KCNH1: variants seen among roughly 807,000 people sequenced by gnomAD.
KCNH1 encodes voltage-gated delayed rectifier potassium channel KCNH1.
A neutral mutation model predicts 69.2 loss-of-function variants in KCNH1; 27 were observed. That is an observed-to-expected ratio of 0.39 (90% CI 0.29 to 0.54). The LOEUF (loss-of-function observed/expected upper bound fraction) is 0.54, where lower values mean the gene tolerates loss of function less well. Among genes scored for constraint, KCNH1 ranks in the 20% least tolerant of loss-of-function variants. The probability of loss-of-function intolerance (pLI) is 0.68; values close to 1 mark genes in which losing one functional copy is unlikely to be tolerated. For missense variants in KCNH1, 798 were observed against 1,261.6 expected (o/e 0.63, Z 5.57); for synonymous variants, 456 against 487.7 (o/e 0.93, Z 0.86).
At chr1:210,909,002 T>G (rs929955773) in intron 7 of KCNH1, among the ~76,000 whole-genome samples, 1 of 152,164 alleles carries the variant, frequency 6.6e-6, no homozygotes, top group East Asian at 1.9e-4. Context: ...TGATGGTGGG[T>G]TTTTATCACC....
At chr1:210,984,610 C>G (rs1415941341) in intron 6 of KCNH1, among the ~76,000 whole-genome samples, 1 of 152,168 alleles carries the variant, frequency 6.6e-6, no homozygotes, top group Non-Finnish European at 1.5e-5. Context: ...AGCCTTGCAT[C>G]CCAGGGATGA....
At position 210,833,415 on chromosome 1, in the gene KCNH1, G is replaced by C. The variant is rs1031423674; in HGVS notation, c.1463-29249C>G. Among the ~76,000 whole-genome samples the C allele has an allele frequency of 1.2e-4, 18 of 152,110 alleles. No homozygotes were observed. In the South Asian group the frequency reaches 3.3e-3, roughly 28 times the overall value. ...ACTATCTGATCTTTGACAAACCTGA[G>C]AAAAACAAGCAATGGGGAAAGGATT... On this transcript the variant is annotated intron_variant, in intron 7 of 10. Transcript: ENST00000271751.
At chr1:210,892,594 G>C (rs922037381) in intron 7 of KCNH1, among the ~76,000 whole-genome samples, 3 of 152,052 alleles carry the variant, frequency 2.0e-5, no homozygotes, top group Non-Finnish European at 4.4e-5. Context: ...AAGTAATACT[G>C]AGTCAAAAAG....
At chr1:211,079,414 C>T (rs943766098) in intron 5 of KCNH1, among the ~76,000 whole-genome samples, 24 of 152,208 alleles carry the variant, frequency 1.6e-4, no homozygotes, top group Non-Finnish European at 2.5e-4. Context: ...ACCATTCCTT[C>T]TGAAACTATT....
At chr1:210,789,298 T>C (rs988094556) in intron 9 of KCNH1, among the ~76,000 whole-genome samples, 3 of 152,002 alleles carry the variant, frequency 2.0e-5, no homozygotes, top group Admixed American at 1.3e-4. Context: ...GGATTTAGCT[T>C]CTCCAAACCT....
At chr1:211,058,100 A>C (rs563271289) in intron 5 of KCNH1, among the ~76,000 whole-genome samples, 4 of 152,224 alleles carry the variant, frequency 2.6e-5, no homozygotes, top group Non-Finnish European at 5.9e-5. Flanking sequence ...ATCCTATGAT[A>C]GTATATCCAA....
At chr1:211,014,920 A>G (rs146265709) in intron 6 of KCNH1, among the ~76,000 whole-genome samples, 62 of 152,348 alleles carry the variant, frequency 4.1e-4, no homozygotes, top group Non-Finnish European at 6.9e-4. Context: ...TAAGCCATCA[A>G]TCAGAATTCT....
chr1:210,856,219 T>G (rs1461960258), intron 7 of KCNH1, among the ~76,000 whole-genome samples: 1 of 152,166 alleles, frequency 6.6e-6, no homozygotes, highest in Non-Finnish European at 1.5e-5. Flanking sequence ...TCAACCACTC[T>G]TCAGAGAAAT....
At chr1:210,939,147 C>T (rs1001893410) in intron 6 of KCNH1, among the ~76,000 whole-genome samples, 1 of 152,174 alleles carries the variant, frequency 6.6e-6, no homozygotes, top group African/African-American at 2.4e-5. Context: ...ATACTTCCTG[C>T]ACACCTAATA....
At chr1:210,789,748 C>A (rs1684177378) in intron 9 of KCNH1, among the ~76,000 whole-genome samples, 1 of 152,128 alleles carries the variant, frequency 6.6e-6, no homozygotes, top group African/African-American at 2.4e-5. Context: ...TTAGTGAAAA[C>A]ACTTATGGGC....
chr1:211,107,497 A>G, intron 1 of KCNH1, 120 bp from the exon 2 acceptor site: 2 of 986,280 alleles, frequency 2.0e-6, no homozygotes, highest in Non-Finnish European at 1.5e-6. Flanking sequence ...CAAAACATAG[A>G]CTCTTGAACA....
intron 5 of KCNH1, among the ~76,000 whole-genome samples, chr1:211,022,011 T>C (rs115459513): frequency 6.6e-6 from 1 of 152,094 alleles, no homozygotes; most frequent in Non-Finnish European, 1.5e-5. Flanking sequence ...AGACCCAGAA[T>C]AGCAAAAACT....
intron 7 of KCNH1, among the ~76,000 whole-genome samples, chr1:210,916,688 A>G (rs942386388): frequency 8.5e-5 from 13 of 152,144 alleles, no homozygotes; most frequent in African/African-American, 3.1e-4. Flanking sequence ...ATAATCTCTA[A>G]CATATACCAT....
chr1:210,776,759 A>G (rs1280752248), intron 9 of KCNH1, among the ~76,000 whole-genome samples: 1 of 152,204 alleles, frequency 6.6e-6, no homozygotes, highest in East Asian at 1.9e-4. Context: ...TAAGAAAAGT[A>G]CTAATCCCAT....
intron 6 of KCNH1, among the ~76,000 whole-genome samples, chr1:210,952,813 A>G (rs929984720): frequency 1.3e-5 from 2 of 152,248 alleles, no homozygotes; most frequent in Non-Finnish European, 2.9e-5. Context: ...CAACCCTTGG[A>G]ATATCATTCA....
At chr1:210,850,154 G>C (rs1450492342) in intron 7 of KCNH1, among the ~76,000 whole-genome samples, 1 of 152,104 alleles carries the variant, frequency 6.6e-6, no homozygotes, top group Non-Finnish European at 1.5e-5. Flanking sequence ...CATGAGCTGT[G>C]AAAGACACTG....
intron 10 of KCNH1, among the ~76,000 whole-genome samples, chr1:210,745,060 G>A (rs1013238648): frequency 2.6e-5 from 4 of 152,148 alleles, no homozygotes; most frequent in Non-Finnish European, 2.9e-5. Flanking sequence ...AAAATTAGCC[G>A]GGCGTGGTGG....
In KCNH1 at chr1:210,735,421, A is replaced by T. The variant is rs58801522; in HGVS notation, c.2112+39927T>A. Among the ~76,000 whole-genome samples, 65 of 132,098 alleles carry T rather than the reference A, an allele frequency of 4.9e-4. 1 individual carries two copies. Among genetic ancestry groups the T allele is most frequent in the African/African-American group, 1.3e-3 (48 of 36,836 alleles). The allele number at this position is 132,098 out of a possible 152,430, so 86.7% of individuals were successfully genotyped here. On this transcript the variant is annotated intron_variant, in intron 10 of 10. Coordinates refer to ENST00000271751, the MANE Select transcript of KCNH1 (RefSeq NM_172362.3). ...TGATGTGTGAGTGAATGAGTGAGTGAGTGTGTGTGTGTGTGTGTGTGTGTG... is the reference window on the plus strand; with the variant it reads ...TGATGTGTGAGTGAATGAGTGAGTGTGTGTGTGTGTGTGTGTGTGTGTGTG...
chr1:210,769,663 T>A (rs1182034104), intron 10 of KCNH1, among the ~76,000 whole-genome samples: 4 of 152,254 alleles, frequency 2.6e-5, no homozygotes. Flanking sequence ...TGACTGCTGT[T>A]AATTACCTAA....
Sources: allele counts gnomAD v4.1 joint callset (sites outside exome capture counted in the v4.1 genomes callset), GRCh38; gene constraint gnomAD v4.1.1; transcripts MANE v1.5; gene names NCBI Gene and HGNC (gene_info 2026-07-23, HGNC 2026-07-21).